SRGAP3: variants seen among roughly 807,000 people sequenced by gnomAD.
The protein encoded by SRGAP3 is SLIT-ROBO Rho GTPase-activating protein 3.
In SRGAP3, 39 loss-of-function variants were observed where a neutral mutation model predicts 121.1. The observed-to-expected ratio is 0.32, with a 90% CI of 0.25 to 0.42. The LOEUF (loss-of-function observed/expected upper bound fraction) is 0.42. Among genes scored for constraint, SRGAP3 ranks in the 10% least tolerant of loss-of-function variants. The probability of loss-of-function intolerance (pLI) is 1.00; values close to 1 mark genes in which losing one functional copy is unlikely to be tolerated. For missense variants in SRGAP3, 1,213 were observed against 1,470.6 expected (o/e 0.82, Z 2.86); for synonymous variants, 601 against 570.0 (o/e 1.05, Z -0.77).
intron 3 of SRGAP3, among the ~76,000 whole-genome samples, chr3:9,316,285 G>A (rs1268722530): frequency 6.6e-6 from 1 of 151,542 alleles, no homozygotes; most frequent in Non-Finnish European, 1.5e-5. Flanking sequence ...CTGGCCTCAA[G>A]AGAACCACCT....
chr3:9,010,098 G>T (rs2125018121), intron 18 of SRGAP3, among the ~76,000 whole-genome samples: 1 of 152,350 alleles, frequency 6.6e-6, no homozygotes, highest in East Asian at 1.9e-4. Context: ...CACAGCGTGA[G>T]CCTATGAGGA....
At chr3:8,999,744 G>T (rs1040340136) in intron 18 of SRGAP3, among the ~76,000 whole-genome samples, 2 of 152,114 alleles carry the variant, frequency 1.3e-5, no homozygotes, top group Non-Finnish European at 2.9e-5. Context: ...ATGACCTTGG[G>T]TTCTTTCTTT....
At position 9,013,297 on chromosome 3, in the gene SRGAP3, T is replaced by C. The variant is rs201104674; in HGVS notation, c.2147+11A>G. ...ACGATGATAATAATATTAAGAGGAA[T>C]GGCATCTTACCAATATTCTTCCCCT... On this transcript the variant is annotated intron_variant, in intron 17 of 21. Transcript: ENST00000383836. 9.3e-5 allele frequency: 149 copies of C among 1,609,892 alleles called. No individual in the cohort carries two copies. The African/African-American group carries it at 1.8e-3, about 20-fold the overall frequency.
At chr3:9,252,063 G>A (rs1273974209), upstream of SRGAP3, among the ~76,000 whole-genome samples, 2 of 152,156 alleles carry the variant, frequency 1.3e-5, no homozygotes, top group Admixed American at 6.5e-5. Flanking sequence ...GCAGTGTTTG[G>A]ATCATGGGGA....
intron 1 of SRGAP3, among the ~76,000 whole-genome samples, chr3:9,184,517 C>T (rs1020375731): frequency 6.6e-5 from 10 of 152,238 alleles, no homozygotes; most frequent in African/African-American, 2.4e-4. Flanking sequence ...CAACCATCCA[C>T]GTAATCTCTT....
chr3:9,286,260 T>C (rs1216596083), intron 3 of SRGAP3, among the ~76,000 whole-genome samples: 1 of 152,156 alleles, frequency 6.6e-6, no homozygotes, highest in Non-Finnish European at 1.5e-5. Context: ...ATCTGTCTTT[T>C]GTTATAGAGG....
chr3:9,213,635 T>C (rs948662405), intron 1 of SRGAP3, among the ~76,000 whole-genome samples: 2 of 152,188 alleles, frequency 1.3e-5, no homozygotes, highest in African/African-American at 2.4e-5. Flanking sequence ...GAGATCTTTC[T>C]AAACCAGAAA....
intron 3 of SRGAP3, among the ~76,000 whole-genome samples, chr3:9,081,623 T>C (rs1259569857): frequency 1.3e-5 from 2 of 152,242 alleles, no homozygotes; most frequent in Non-Finnish European, 2.9e-5. Flanking sequence ...GTGCCTTTCA[T>C]GTCCTTCCTT....
intron 16 of SRGAP3, 58 bp from the exon 17 acceptor site, chr3:9,013,593 T>C: frequency 1.3e-6 from 2 of 1,596,246 alleles, no homozygotes; most frequent in Non-Finnish European, 1.7e-6. Context: ...CCCCCTGTGT[T>C]TTTTTTCTTT....
intron 5 of SRGAP3, among the ~76,000 whole-genome samples, chr3:9,061,849 T>C (rs996719815): frequency 6.6e-6 from 1 of 152,208 alleles, no homozygotes; most frequent in Admixed American, 6.5e-5. Flanking sequence ...AGCCTGGGAA[T>C]GGAGCAGGAA....
chr3:9,320,234 A>G (rs904067159), intron 3 of SRGAP3, among the ~76,000 whole-genome samples: 2 of 151,914 alleles, frequency 1.3e-5, no homozygotes, highest in African/African-American at 4.8e-5. Context: ...CCTGAGAATA[A>G]AGCCAACAGA....
chr3:9,152,858 G>GGTATAACTT (rs111593858), intron 1 of SRGAP3, among the ~76,000 whole-genome samples: 114,072 of 151,618 alleles, frequency 0.75, 43,081 homozygotes, highest in African/African-American at 0.81. Flanking sequence ...TCAACATGAG[G>GGTATAACTT]GTATAACTTG....
intron 3 of SRGAP3, among the ~76,000 whole-genome samples, chr3:9,324,178 A>G (rs746468131): frequency 2.0e-5 from 3 of 151,940 alleles, no homozygotes; most frequent in Non-Finnish European, 4.4e-5. Flanking sequence ...TTTCAGGCGC[A>G]TACTACTAAG....
chr3:9,032,029 T>C (rs1445814801), intron 12 of SRGAP3, among the ~76,000 whole-genome samples: 2 of 152,222 alleles, frequency 1.3e-5, no homozygotes, highest in African/African-American at 4.8e-5. Context: ...CTAGCTAAAC[T>C]ACTTCAATTT....
intron 1 of SRGAP3, among the ~76,000 whole-genome samples, chr3:9,237,765 C>T (rs774825730): frequency 2.0e-5 from 3 of 152,012 alleles, no homozygotes; most frequent in African/African-American, 7.2e-5. Context: ...GTGAGCACAG[C>T]GTGGCTTTCT....
chr3:9,342,346 A>G (rs907096775), intron 1 of SRGAP3, among the ~76,000 whole-genome samples: 1 of 92,668 alleles, frequency 1.1e-5, no homozygotes, highest in Non-Finnish European at 2.2e-5. Flanking sequence ...TCAAGACTCC[A>G]TCTCAAAAAA....
At chr3:8,992,133 C>T (rs1388233723) in intron 20 of SRGAP3, among the ~76,000 whole-genome samples, 1 of 152,202 alleles carries the variant, frequency 6.6e-6, no homozygotes, top group Non-Finnish European at 1.5e-5. Context: ...TGTGTTCCCA[C>T]TGTGACTGAT....
chr3:9,224,666 T>C (rs1041207433), intron 1 of SRGAP3, among the ~76,000 whole-genome samples: 5 of 152,124 alleles, frequency 3.3e-5, no homozygotes, highest in Non-Finnish European at 7.4e-5. Context: ...AATAAAAGAA[T>C]ACACTGAGGC....
chr3:9,339,196 T>A (rs1424552492), intron 1 of SRGAP3, among the ~76,000 whole-genome samples: 1 of 152,220 alleles, frequency 6.6e-6, no homozygotes, highest in African/African-American at 2.4e-5. Flanking sequence ...TTTTCTCACC[T>A]ACAAAAATGT....
Sources: allele counts gnomAD v4.1 joint callset (sites outside exome capture counted in the v4.1 genomes callset), GRCh38; gene constraint gnomAD v4.1.1; transcripts MANE v1.5; gene names NCBI Gene and HGNC (gene_info 2026-07-23, HGNC 2026-07-21).